L2HGDH: variants seen among roughly 807,000 people sequenced by gnomAD.
L2HGDH encodes L-2-hydroxyglutarate dehydrogenase, also known as L-2-hydroxyglutarate dehydrogenase, mitochondrial.
L2HGDH carries 34 observed loss-of-function variants against 51.5 expected under a neutral mutation model. The observed-to-expected ratio is 0.66, with a 90% CI of 0.50 to 0.88. The LOEUF is 0.88. L2HGDH is among the 40% of genes least tolerant of loss of function. L2HGDH has a pLI of 0.00. For missense variants in L2HGDH, 558 were observed against 571.9 expected (o/e 0.98, Z 0.25); for synonymous variants, 198 against 197.9 (o/e 1.00, Z -0.01).
intron 6 of L2HGDH, among the ~76,000 whole-genome samples, chr14:50,276,202 C>T (rs573969852): frequency 1.2e-4 from 18 of 152,282 alleles, no homozygotes; most frequent in East Asian, 3.9e-4. Context: ...GGGCTGCTAA[C>T]GGCACAGACT....
intron 9 of L2HGDH, among the ~76,000 whole-genome samples, chr14:50,257,139 G>A (rs1888712330): frequency 6.6e-6 from 1 of 152,070 alleles, no homozygotes; most frequent in African/African-American, 2.4e-5. Context: ...ATGTTGGCTA[G>A]GCTGATCTTA....
rs1332725921 is a variant in L2HGDH, at chr14:50,242,955, G to T, written c.*4103C>A. Reference sequence around the variant, plus strand: ...CTCATAGGTACAGCCATCAGGGTTGGATTGCCTCCAAAAGTAGGCCCTACA... The same window carrying T: ...CTCATAGGTACAGCCATCAGGGTTGTATTGCCTCCAAAAGTAGGCCCTACA... On this transcript the variant is annotated 3_prime_UTR_variant, in exon 10 of 10. Transcript: ENST00000267436. The T allele has an allele frequency of 1.0e-6, 1 of 985,322 alleles. No homozygotes were observed. The highest frequency in any genetic ancestry group is 1.7e-5 in the African/African-American group (1 of 57,230). 61.0% of individuals were successfully genotyped at this position (985,322 alleles called of 1,614,324 possible). A position where few individuals can be genotyped will look rare whatever the true frequency, so the allele number is the denominator to read the frequency against.
intron 5 of L2HGDH, 132 bp from the exon 6 acceptor site, chr14:50,278,686 A>C (rs1890103612): frequency 5.0e-6 from 3 of 602,376 alleles, no homozygotes; most frequent in Non-Finnish European, 9.1e-6. Context: ...TTCATTCTGA[A>C]ACTTTTTACC....
rs560252574 is a variant in L2HGDH, at chr14:50,242,536, T to C, written c.*4522A>G. 2.3e-4 allele frequency: 227 copies of C among 984,708 alleles called. No individual in the cohort carries two copies. Among genetic ancestry groups the C allele is most frequent in the Non-Finnish European group, 2.7e-4 (222 of 829,388 alleles). 61.0% of individuals were successfully genotyped at this position (984,708 alleles called of 1,614,324 possible). A position where few individuals can be genotyped will look rare whatever the true frequency, so the allele number is the denominator to read the frequency against. On this transcript the variant is annotated 3_prime_UTR_variant, in exon 10 of 10. Transcript: ENST00000267436. ...ACAAACCCACAATACTTTCTAGGATTTGAGGCCAGAAAAGTAGAGTTGGTT... is the reference window on the plus strand; with the variant it reads ...ACAAACCCACAATACTTTCTAGGATCTGAGGCCAGAAAAGTAGAGTTGGTT...
At chr14:50,308,101 C>T (rs555216849) in intron 1 of L2HGDH, among the ~76,000 whole-genome samples, 4 of 152,216 alleles carry the variant, frequency 2.6e-5, no homozygotes, top group South Asian at 2.1e-4. Flanking sequence ...CCATTTAGAA[C>T]GTAGGCAGGC....
chr14:50,272,286 G>T (rs115479559), intron 6 of L2HGDH, among the ~76,000 whole-genome samples: 4 of 152,294 alleles, frequency 2.6e-5, no homozygotes, highest in African/African-American at 9.6e-5. Context: ...ATATCCACTG[G>T]TATGCCATAG....
intron 9 of L2HGDH, among the ~76,000 whole-genome samples, chr14:50,253,292 G>C (rs979266399): frequency 6.6e-6 from 1 of 151,814 alleles, no homozygotes; most frequent in Non-Finnish European, 1.5e-5. Flanking sequence ...ATCTGACAAG[G>C]GATTAACAAC....
intron 9 of L2HGDH, among the ~76,000 whole-genome samples, chr14:50,255,628 C>G (rs915176968): frequency 6.6e-6 from 1 of 152,002 alleles, no homozygotes; most frequent in African/African-American, 2.4e-5. Context: ...TGTCAACACC[C>G]CTACATCACC....
intron 6 of L2HGDH, among the ~76,000 whole-genome samples, chr14:50,274,335 T>C (rs1048321536): frequency 2.0e-5 from 3 of 148,106 alleles, no homozygotes; most frequent in African/African-American, 7.4e-5. Flanking sequence ...ATGTATTTTT[T>C]CAAAGATATA....
intron 3 of L2HGDH, 116 bp from the exon 4 acceptor site, chr14:50,294,362 T>C: frequency 1.0e-6 from 1 of 984,852 alleles, no homozygotes; most frequent in Non-Finnish European, 1.5e-6. Context: ...GTTAATTTTT[T>C]AAAATTATTT....
At chr14:50,274,730 T>C (rs888404101) in intron 6 of L2HGDH, among the ~76,000 whole-genome samples, 2 of 152,278 alleles carry the variant, frequency 1.3e-5, no homozygotes, top group East Asian at 1.9e-4. Context: ...TAAGTGTCCA[T>C]TGACAGATGA....
At position 50,298,784 on chromosome 14, in the gene L2HGDH, A is replaced by T. The variant is rs75693211; in HGVS notation, c.408+3233T>A. On this transcript the variant is annotated intron_variant, in intron 3 of 9. Coordinates refer to ENST00000267436, the MANE Select transcript of L2HGDH (RefSeq NM_024884.3). ...AGAAGGAAATTTAAAAATCTGTTGA[A>T]ACAAATGAAAATAGAAAGACAACAT... 3.5e-3 allele frequency among the ~76,000 whole-genome samples: 527 copies of T among 152,318 alleles called. 3 individuals carry two copies. The highest frequency in any genetic ancestry group is 0.012 in the African/African-American group (491 of 41,576).
Position 50,243,909 on chromosome 14 carries a change from A to C in L2HGDH, c.*3149T>G, listed in dbSNP as rs1887897499. On this transcript the variant is annotated 3_prime_UTR_variant, in exon 10 of 10. Transcript: ENST00000267436. ...CATGTGTTCTCATTGTTCAATTCCCATCTATGAGTGAGAACATGCGGTGTT... is the reference window on the plus strand; with the variant it reads ...CATGTGTTCTCATTGTTCAATTCCCCTCTATGAGTGAGAACATGCGGTGTT... 1 of 136,090 alleles carries C rather than the reference A, an allele frequency of 7.3e-6. No individual in the cohort carries two copies. The highest frequency in any genetic ancestry group is 2.7e-5 in the African/African-American group (1 of 36,468). 8.4% of individuals were successfully genotyped at this position (136,090 alleles called of 1,614,324 possible). A position where few individuals can be genotyped will look rare whatever the true frequency, so the allele number is the denominator to read the frequency against.
At chr14:50,295,084 G>T (rs1242552838) in intron 3 of L2HGDH, among the ~76,000 whole-genome samples, 1 of 152,208 alleles carries the variant, frequency 6.6e-6, no homozygotes, top group Non-Finnish European at 1.5e-5. Flanking sequence ...AAAAATATTT[G>T]CAAGTCACGT....
Position 50,283,876 on chromosome 14 carries a change from A to G in L2HGDH, c.698T>C (p.Ile233Thr), listed in dbSNP as rs933227598. 1.2e-6 allele frequency: 2 copies of G among 1,613,746 alleles called. No homozygotes were observed. Among genetic ancestry groups the G allele is most frequent in the African/African-American group, 2.7e-5 (2 of 74,908 alleles). Residue 233 changes from isoleucine (I) to threonine (T), a missense_variant, in exon 5 of 10, where the codon ATA becomes ACA. Coordinates refer to ENST00000267436, the MANE Select transcript of L2HGDH (RefSeq NM_024884.3). ...AAAAGACAAGGATGGCTTACCATCTATACTTCTTGAAGGACTTTCTTTAGC... is the reference window on the plus strand; with the variant it reads ...AAAAGACAAGGATGGCTTACCATCTGTACTTCTTGAAGGACTTTCTTTAGC... ...EMAKESPSRS[I>T]DGMQYPIVIK... is the part of the protein sequence containing the mutation.
Position 50,245,725 on chromosome 14 carries a change from T to G in L2HGDH, c.*1333A>C, listed in dbSNP as rs1378300131. 2.0e-6 allele frequency: 2 copies of G among 985,024 alleles called. No individual in the cohort carries two copies. The highest frequency in any genetic ancestry group is 3.5e-5 in the African/African-American group (2 of 57,220). The allele number at this position is 985,024 out of a possible 1,614,324, so 61.0% of individuals were successfully genotyped here. A position where few individuals can be genotyped will look rare whatever the true frequency, so the allele number is the denominator to read the frequency against. ...CTTAGGTAGCGTAATGCTAAAAAAT[T>G]GATTTAAGGAAATAATCTATTTTTA... On this transcript the variant is annotated 3_prime_UTR_variant, in exon 10 of 10. Coordinates refer to ENST00000267436, the MANE Select transcript of L2HGDH (RefSeq NM_024884.3).
Position 50,294,261 on chromosome 14 carries a change from A to G in L2HGDH, c.409-15T>C, listed in dbSNP as rs1044568730. 1.2e-6 allele frequency: 2 copies of G among 1,606,102 alleles called. No homozygotes were observed. Among genetic ancestry groups the G allele is most frequent in the Non-Finnish European group, 8.5e-7 (1 of 1,176,184 alleles). On this transcript the variant is annotated splice_polypyrimidine_tract_variant and intron_variant, in intron 3 of 9. Transcript: ENST00000267436. ...GCTACTATAAGCTTCAAAAAAAAAA[A>G]GGTAAGGAGCATGGATAGAGGTGAA...
intron 9 of L2HGDH, among the ~76,000 whole-genome samples, chr14:50,259,369 T>G (rs1379467150): frequency 6.2e-4 from 22 of 35,646 alleles, no homozygotes; most frequent in East Asian, 2.8e-3. Context: ...TTTTTCGGTT[T>G]TTTTTTTTTT....
intron 7 of L2HGDH, 46 bp from the exon 8 acceptor site, chr14:50,267,956 G>C (rs760823318): frequency 3.2e-6 from 5 of 1,559,202 alleles, no homozygotes; most frequent in South Asian, 2.2e-5. Context: ...CACATTCCAT[G>C]TTATCAGAGA....
Sources: allele counts gnomAD v4.1 joint callset (sites outside exome capture counted in the v4.1 genomes callset), GRCh38; gene constraint gnomAD v4.1.1; transcripts MANE v1.5; gene names NCBI Gene and HGNC (gene_info 2026-07-23, HGNC 2026-07-21).